CHRM3: variants seen among roughly 807,000 people sequenced by gnomAD.
CHRM3 encodes cholinergic receptor muscarinic 3.
CHRM3 carries 11 observed loss-of-function variants against 41.8 expected under a neutral mutation model. The observed-to-expected ratio is 0.26, with a 90% CI of 0.17 to 0.44. The LOEUF is 0.44. Among genes scored for constraint, CHRM3 ranks in the 20% least tolerant of loss-of-function variants. The pLI is 1.00. For synonymous variants in CHRM3, 297 were observed against 301.4 expected, an observed-to-expected ratio of 0.99 and a Z score of 0.15; for missense variants, 571 against 745.4, an observed-to-expected ratio of 0.77 and a Z score of 2.72.
intron 4 of CHRM3, among the ~76,000 whole-genome samples, chr1:239,651,185 T>G (rs1379032635): frequency 6.6e-6 from 1 of 152,200 alleles, no homozygotes; most frequent in Non-Finnish European, 1.5e-5. Flanking sequence ...ATTAGTTTCT[T>G]TATAAACAAA....
At chr1:239,726,321 T>C (rs567704433) in intron 5 of CHRM3, among the ~76,000 whole-genome samples, 287 of 152,082 alleles carry the variant, frequency 1.9e-3, no homozygotes, top group African/African-American at 6.7e-3. Context: ...TACCGAACTT[T>C]TGAATCAAAT....
chr1:239,814,879 CAAGCGA>C (rs1671445205), intron 5 of CHRM3, among the ~76,000 whole-genome samples: 1 of 152,192 alleles, frequency 6.6e-6, no homozygotes. Context: ...TGCCTCCCTT[CAAGCGA>C]TTCTCCTGCC....
chr1:239,570,145 G>T (rs187728143), intron 3 of CHRM3, among the ~76,000 whole-genome samples: 201 of 152,216 alleles, frequency 1.3e-3, no homozygotes, highest in African/African-American at 4.7e-3. Flanking sequence ...GGAGGTGATT[G>T]GATCATGGGG....
chr1:239,741,487 A>T (rs2148497831), intron 5 of CHRM3, among the ~76,000 whole-genome samples: 1 of 152,284 alleles, frequency 6.6e-6, no homozygotes, highest in African/African-American at 2.4e-5. Context: ...GGAACAGGGC[A>T]GGAGAAGGTC....
At chr1:239,454,762 A>G (rs1432054518) in intron 1 of CHRM3, among the ~76,000 whole-genome samples, 3 of 152,156 alleles carry the variant, frequency 2.0e-5, no homozygotes, top group Non-Finnish European at 4.4e-5. Flanking sequence ...AAATACAATT[A>G]TATACCATAT....
chr1:239,667,350 G>A (rs750010946), intron 4 of CHRM3, among the ~76,000 whole-genome samples: 17 of 152,108 alleles, frequency 1.1e-4, no homozygotes, highest in Non-Finnish European at 1.9e-4. Context: ...CAGGTGAGAC[G>A]TCTGGTCCAA....
intron 5 of CHRM3, among the ~76,000 whole-genome samples, chr1:239,725,968 A>G (rs887899407): frequency 2.0e-5 from 3 of 152,060 alleles, no homozygotes; most frequent in East Asian, 1.9e-4. Context: ...ATACTTGTAT[A>G]TTATAGCACA....
intron 1 of CHRM3, among the ~76,000 whole-genome samples, chr1:239,415,626 G>A (rs2103069367): frequency 6.6e-6 from 1 of 152,274 alleles, no homozygotes; most frequent in Admixed American, 6.5e-5. Flanking sequence ...AGGTGTATTT[G>A]TTTGTTCATT....
chr1:239,569,664 C>T (rs1256977935), intron 3 of CHRM3, among the ~76,000 whole-genome samples: 4 of 152,104 alleles, frequency 2.6e-5, no homozygotes, highest in African/African-American at 4.8e-5. Context: ...AGCAAAACAT[C>T]ACCCTTATAA....
At chr1:239,654,489 C>G (rs1672532158) in intron 4 of CHRM3, among the ~76,000 whole-genome samples, 1 of 152,224 alleles carries the variant, frequency 6.6e-6, no homozygotes, top group Non-Finnish European at 1.5e-5. Context: ...AACTTCGCCT[C>G]CTGGGTTCAA....
At chr1:239,872,411 T>C (rs989236900) in intron 6 of CHRM3, among the ~76,000 whole-genome samples, 4 of 152,148 alleles carry the variant, frequency 2.6e-5, no homozygotes, top group Non-Finnish European at 5.9e-5. Flanking sequence ...GGACCTGGTC[T>C]AGACCAGAAA....
At chr1:239,463,603 A>T (rs1665513763) in intron 1 of CHRM3, among the ~76,000 whole-genome samples, 1 of 152,202 alleles carries the variant, frequency 6.6e-6, no homozygotes, top group Non-Finnish European at 1.5e-5. Flanking sequence ...AAAATACAGG[A>T]CTATGTGAAG....
chr1:239,521,081 T>G (rs1669610643), intron 2 of CHRM3, among the ~76,000 whole-genome samples: 1 of 152,228 alleles, frequency 6.6e-6, no homozygotes, highest in Non-Finnish European at 1.5e-5. Flanking sequence ...TATTCAGATT[T>G]ATATTAAAAT....
chr1:239,647,288 G>C (rs1671820830), intron 4 of CHRM3, among the ~76,000 whole-genome samples: 1 of 152,098 alleles, frequency 6.6e-6, no homozygotes, highest in Admixed American at 6.6e-5. Context: ...AATGAGTAAA[G>C]ACCTTCTAGT....
chr1:239,829,141 ATC>A (rs1376035997), intron 6 of CHRM3, among the ~76,000 whole-genome samples: 4 of 152,150 alleles, frequency 2.6e-5, no homozygotes, highest in Non-Finnish European at 5.9e-5. Context: ...AAGTTAATGA[ATC>A]TCTGTGGCGA....
At chr1:239,818,562 C>G (rs1671784087) in intron 5 of CHRM3, among the ~76,000 whole-genome samples, 1 of 152,182 alleles carries the variant, frequency 6.6e-6, no homozygotes, top group African/African-American at 2.4e-5. Flanking sequence ...AGCCCTGCTT[C>G]TCACACAGGG....
chr1:239,423,715 G>A (rs148445487), intron 1 of CHRM3, among the ~76,000 whole-genome samples: 242 of 152,076 alleles, frequency 1.6e-3, no homozygotes, highest in African/African-American at 5.3e-3. Flanking sequence ...TAAATAGTAG[G>A]TTTTTTAAAG....
At chr1:239,729,588 C>T (rs1349598866) in intron 5 of CHRM3, among the ~76,000 whole-genome samples, 17 of 151,850 alleles carry the variant, frequency 1.1e-4, no homozygotes, top group Admixed American at 1.1e-3. Context: ...TTGTGCCCAC[C>T]ACAATGAGCT....
At chr1:239,691,005 A>G (rs916256387) in intron 5 of CHRM3, among the ~76,000 whole-genome samples, 2 of 152,102 alleles carry the variant, frequency 1.3e-5, no homozygotes, top group Non-Finnish European at 2.9e-5. Context: ...AGCTGTAACC[A>G]TTAGCTATTG....
Sources: gnomAD v4.1 joint callset for allele counts (sites outside exome capture counted in the v4.1 genomes callset) on GRCh38, gnomAD v4.1.1 for gene constraint, MANE v1.5 for transcripts, NCBI Gene and HGNC (gene_info 2026-07-23, HGNC 2026-07-21) for gene names.